The following TSHZ2 variants were observed in gnomAD, a reference collection of about 807,000 sequenced individuals.
TSHZ2 encodes teashirt homolog 2.
In TSHZ2, 21 loss-of-function variants were observed where a neutral mutation model predicts 74.4. That is an observed-to-expected ratio of 0.28 (90% CI 0.20 to 0.41). The LOEUF (loss-of-function observed/expected upper bound fraction) is 0.41. Among genes scored for constraint, TSHZ2 ranks in the 10% least tolerant of loss-of-function variants. TSHZ2 has a pLI of 1.00. For synonymous variants in TSHZ2, 540 were observed against 515.3 expected, an observed-to-expected ratio of 1.05 and a Z score of -0.65; for missense variants, 1,244 against 1,293.5, an observed-to-expected ratio of 0.96 and a Z score of 0.59.
intron 2 of TSHZ2, among the ~76,000 whole-genome samples, chr20:53,446,037 C>T (rs567421618): frequency 6.6e-6 from 1 of 152,290 alleles, no homozygotes; most frequent in Non-Finnish European, 1.5e-5. Context: ...AACCCCAGTA[C>T]TTTACCCGCT....
chr20:53,406,697 ATCT>A (rs922888233), intron 2 of TSHZ2, among the ~76,000 whole-genome samples: 74 of 152,330 alleles, frequency 4.9e-4, no homozygotes, highest in African/African-American at 1.6e-3. Flanking sequence ...AGCAGGCAAC[ATCT>A]TCTTCTTATG....
At chr20:53,300,439 G>A (rs530109619) in intron 2 of TSHZ2, among the ~76,000 whole-genome samples, 2 of 152,226 alleles carry the variant, frequency 1.3e-5, no homozygotes, top group South Asian at 2.1e-4. Flanking sequence ...CAAACTTCTT[G>A]AGAAAGGCAA....
intron 1 of TSHZ2, among the ~76,000 whole-genome samples, chr20:53,096,652 G>A (rs1220968231): frequency 1.3e-5 from 2 of 151,982 alleles, no homozygotes; most frequent in African/African-American, 4.8e-5. Flanking sequence ...GGAGGCCGAG[G>A]GGGGTGGATC....
intron 1 of TSHZ2, among the ~76,000 whole-genome samples, chr20:52,990,643 C>G (rs1019072648): frequency 1.3e-5 from 2 of 152,118 alleles, no homozygotes; most frequent in African/African-American, 2.4e-5. Context: ...AAGAGCCCCC[C>G]GGATTTTGTG....
At chr20:53,360,061 C>A (rs1338169922) in intron 2 of TSHZ2, among the ~76,000 whole-genome samples, 3 of 152,202 alleles carry the variant, frequency 2.0e-5, no homozygotes, top group African/African-American at 7.2e-5. Context: ...CTGAAATGGA[C>A]TTTTCAGTCC....
At chr20:53,278,746 T>C (rs72487334) in intron 2 of TSHZ2, among the ~76,000 whole-genome samples, 12,113 of 152,248 alleles carry the variant, frequency 0.08, 505 homozygotes, top group East Asian at 0.11. Flanking sequence ...CCTATCTAAA[T>C]GAGGAGTCAT....
intron 2 of TSHZ2, among the ~76,000 whole-genome samples, chr20:53,295,915 T>C (rs1317015895): frequency 6.6e-6 from 1 of 152,128 alleles, no homozygotes; most frequent in African/African-American, 2.4e-5. Context: ...TGTTTTTTGC[T>C]TGTATTGCTG....
intron 1 of TSHZ2, among the ~76,000 whole-genome samples, chr20:53,062,983 AAGG>A (rs1334823010): frequency 6.6e-6 from 1 of 152,230 alleles, no homozygotes; most frequent in Non-Finnish European, 1.5e-5. Flanking sequence ...TTCAGGAAAT[AAGG>A]AGGGCTGAGG....
chr20:53,222,882 T>C (rs143713701), intron 1 of TSHZ2, among the ~76,000 whole-genome samples: 98 of 152,362 alleles, frequency 6.4e-4, no homozygotes, highest in Non-Finnish European at 1.2e-3. Context: ...AAACAAGAAA[T>C]GTATCCTTTT....
chr20:53,374,071 G>A (rs1981573114), intron 2 of TSHZ2, among the ~76,000 whole-genome samples: 2 of 152,198 alleles, frequency 1.3e-5, no homozygotes, highest in Admixed American at 1.3e-4. Flanking sequence ...CAGGGGTCTG[G>A]TGTACAGATT....
chr20:53,278,224 G>C (rs1288397847), intron 2 of TSHZ2, among the ~76,000 whole-genome samples: 2 of 152,116 alleles, frequency 1.3e-5, no homozygotes, highest in Admixed American at 1.3e-4. Flanking sequence ...GTCTGTAAAA[G>C]CCCAGATAGA....
chr20:53,132,045 G>A (rs1987117811), intron 1 of TSHZ2, among the ~76,000 whole-genome samples: 1 of 152,128 alleles, frequency 6.6e-6, no homozygotes, highest in South Asian at 2.1e-4. Context: ...ACCCTGGCTG[G>A]AGTAGAAGGA....
chr20:53,384,948 C>G (rs752613693), intron 2 of TSHZ2, among the ~76,000 whole-genome samples: 2 of 152,114 alleles, frequency 1.3e-5, no homozygotes, highest in African/African-American at 4.8e-5. Context: ...CGGTGAAACC[C>G]CGTCTCTACT....
chr20:53,150,249 A>T (rs1987644243), intron 1 of TSHZ2, among the ~76,000 whole-genome samples: 1 of 152,136 alleles, frequency 6.6e-6, no homozygotes, highest in African/African-American at 2.4e-5. Context: ...TTAGCCTCTT[A>T]TTGGGAGGGT....
At chr20:53,008,751 A>G (rs1982736571) in intron 1 of TSHZ2, among the ~76,000 whole-genome samples, 1 of 152,166 alleles carries the variant, frequency 6.6e-6, no homozygotes, top group Non-Finnish European at 1.5e-5. Context: ...CGTTTTAAAA[A>G]TAGAGTAGTG....
chr20:53,017,822 T>C (rs970975258), intron 1 of TSHZ2, among the ~76,000 whole-genome samples: 2 of 152,222 alleles, frequency 1.3e-5, no homozygotes, highest in Non-Finnish European at 2.9e-5. Flanking sequence ...GTATCTTGTA[T>C]AGTTTAGGAC....
intron 1 of TSHZ2, among the ~76,000 whole-genome samples, chr20:53,009,077 C>T (rs1002948873): frequency 6.7e-6 from 1 of 150,196 alleles, no homozygotes; most frequent in Non-Finnish European, 1.5e-5. Context: ...ACCTATAACA[C>T]CAACAATTTG....
chr20:53,124,472 T>G (rs1184113340), intron 1 of TSHZ2, among the ~76,000 whole-genome samples: 1 of 152,210 alleles, frequency 6.6e-6, no homozygotes, highest in Admixed American at 6.5e-5. Flanking sequence ...GAGAGACAGA[T>G]CACATTTTTG....
intron 1 of TSHZ2, among the ~76,000 whole-genome samples, chr20:53,156,065 G>T (rs1054782603): frequency 6.6e-6 from 1 of 152,188 alleles, no homozygotes; most frequent in Admixed American, 6.5e-5. Context: ...GGCTGCAGCT[G>T]AGAGTGTGCA....
Sources: allele counts gnomAD v4.1 joint callset (sites outside exome capture counted in the v4.1 genomes callset), GRCh38; gene constraint gnomAD v4.1.1; transcripts MANE v1.5; gene names NCBI Gene and HGNC (gene_info 2026-07-23, HGNC 2026-07-21).